Variants in GNB4 observed in about 807,000 individuals in gnomAD.
GNB4 encodes the protein guanine nucleotide-binding protein subunit beta-4.
GNB4 carries 28 observed loss-of-function variants against 45.2 expected under a neutral mutation model. That is an observed-to-expected ratio of 0.62 (90% CI 0.46 to 0.85). GNB4 has a LOEUF of 0.85. Among genes scored for constraint, GNB4 ranks in the 40% least tolerant of loss-of-function variants. The pLI is 0.00. For missense variants in GNB4, 321 were observed against 425.4 expected (o/e 0.75, Z 2.16); for synonymous variants, 132 against 143.7 (o/e 0.92, Z 0.58).
chr3:179,505,172 C>T, the GNB4 span, among the ~76,000 whole-genome samples: 1 of 152,146 alleles, frequency 6.6e-6, no homozygotes, highest in African/African-American at 2.4e-5. Flanking sequence ...ACCAATACGG[C>T]ATCAGTAAAC....
At chr3:179,519,339 A>G in the GNB4 span, among the ~76,000 whole-genome samples, 5 of 152,294 alleles carry the variant, frequency 3.3e-5, no homozygotes, top group Middle Eastern at 3.4e-3. Context: ...GAAGACTGAC[A>G]CTGCCCAATC....
the GNB4 span, among the ~76,000 whole-genome samples, chr3:179,522,107 C>A: frequency 3.3e-5 from 5 of 152,146 alleles, no homozygotes; most frequent in Non-Finnish European, 7.3e-5. Context: ...CCAAGCTAAG[C>A]CATCATATCC....
At chr3:179,447,827 G>A (rs1014955736) in intron 1 of GNB4, among the ~76,000 whole-genome samples, 2 of 152,204 alleles carry the variant, frequency 1.3e-5, no homozygotes, top group African/African-American at 4.8e-5. Flanking sequence ...TGAGTGAAAT[G>A]GGGAATTAGA....
In GNB4 at chr3:179,397,981, G is replaced by A. The variant is rs535270526; in HGVS notation, c.*3232C>T. 0.01 allele frequency: 1,591 copies of A among 151,796 alleles called. 16 individuals carry two copies. Among genetic ancestry groups the A allele is most frequent in the Non-Finnish European group, 0.017 (1,171 of 67,948 alleles). 9.4% of individuals were successfully genotyped at this position (151,796 alleles called of 1,614,324 possible). On this transcript the variant is annotated 3_prime_UTR_variant, in exon 10 of 10. Transcript: ENST00000232564. Reference sequence around the variant, plus strand: ...CCTGACCTCGTGATCCACCTGCCTCGGCCTCCCAAAGTGCTGGGATTACAG... The same window carrying A: ...CCTGACCTCGTGATCCACCTGCCTCAGCCTCCCAAAGTGCTGGGATTACAG...
At position 179,398,862 on chromosome 3, in the gene GNB4, TATTTA is replaced by T. The variant is rs1714199560; in HGVS notation, c.*2346_*2350del. The T allele has an allele frequency of 6.6e-6, 1 of 152,180 alleles. No individual in the cohort carries two copies. Among genetic ancestry groups the T allele is most frequent in the Non-Finnish European group, 1.5e-5 (1 of 68,038 alleles). The allele number at this position is 152,180 out of a possible 1,614,324, so 9.4% of individuals were successfully genotyped here. A position where few individuals can be genotyped will look rare whatever the true frequency, so the allele number is the denominator to read the frequency against. On this transcript the variant is annotated 3_prime_UTR_variant, in exon 10 of 10. Coordinates refer to ENST00000232564, the MANE Select transcript of GNB4 (RefSeq NM_021629.4). ...AAATAGTTTTTAGTTGCCGAGTAAATATTTAATTATGGGAATTGCTTTAAACTCCT... is the reference window on the plus strand; with the variant it reads ...AAATAGTTTTTAGTTGCCGAGTAAATATTATGGGAATTGCTTTAAACTCCT...
the GNB4 span, among the ~76,000 whole-genome samples, chr3:179,501,363 A>G: frequency 2.1e-5 from 3 of 145,136 alleles, no homozygotes; most frequent in Non-Finnish European, 4.5e-5. Context: ...CAGTGGTGCT[A>G]TCTCAGCTCA....
chr3:179,410,947 T>C (rs1223313094), intron 8 of GNB4, among the ~76,000 whole-genome samples: 1 of 152,106 alleles, frequency 6.6e-6, no homozygotes, highest in Non-Finnish European at 1.5e-5. Context: ...CAAAAAGAAA[T>C]GGATAACCTA....
chr3:179,409,026 C>T (rs111821030), intron 8 of GNB4, among the ~76,000 whole-genome samples: 4 of 148,590 alleles, frequency 2.7e-5, no homozygotes, highest in Admixed American at 6.7e-5. Context: ...CATGGTGGCA[C>T]GCACCTGTAT....
the GNB4 span, among the ~76,000 whole-genome samples, chr3:179,510,735 T>C: frequency 6.6e-6 from 1 of 152,160 alleles, no homozygotes; most frequent in African/African-American, 2.4e-5. Context: ...AGCTGAGTCT[T>C]TGCACACGTT....
intron 4 of GNB4, among the ~76,000 whole-genome samples, chr3:179,417,406 T>G (rs930837687): frequency 2.1e-5 from 3 of 145,498 alleles, no homozygotes; most frequent in Admixed American, 7.0e-5. Context: ...TTGTTTTGTT[T>G]GGATTTTTTT....
At chr3:179,502,082 T>G in the GNB4 span, among the ~76,000 whole-genome samples, 4 of 152,200 alleles carry the variant, frequency 2.6e-5, no homozygotes, top group Non-Finnish European at 5.9e-5. Context: ...TAAAGAGAAC[T>G]GGTATTGTTA....
At chr3:179,459,316 A>G in the GNB4 span, among the ~76,000 whole-genome samples, 1 of 152,176 alleles carries the variant, frequency 6.6e-6, no homozygotes, top group African/African-American at 2.4e-5. Context: ...CAGCTGGTAA[A>G]TGGTGGCACA....
chr3:179,498,539 C>T, the GNB4 span, among the ~76,000 whole-genome samples: 3 of 152,054 alleles, frequency 2.0e-5, no homozygotes, highest in African/African-American at 7.2e-5. Flanking sequence ...TGGGTTCAAG[C>T]GATTCTCTTG....
chr3:179,412,726 T>C (rs1474470544), intron 8 of GNB4, among the ~76,000 whole-genome samples: 1 of 152,090 alleles, frequency 6.6e-6, no homozygotes, highest in African/African-American at 2.4e-5. Flanking sequence ...GCTTTTTTCA[T>C]CCTTATTGTT....
At chr3:179,484,050 C>T in the GNB4 span, among the ~76,000 whole-genome samples, 7 of 152,234 alleles carry the variant, frequency 4.6e-5, no homozygotes, top group Admixed American at 1.3e-4. Context: ...GTTATGGGCA[C>T]GTTGTCTCAG....
intron 2 of GNB4, among the ~76,000 whole-genome samples, chr3:179,422,649 A>C (rs985807405): frequency 2.3e-4 from 35 of 152,138 alleles, no homozygotes; most frequent in African/African-American, 8.4e-4. Context: ...AGAAAACAAA[A>C]TCTATTTTCT....
chr3:179,456,095 T>C (rs759285180), upstream of GNB4, among the ~76,000 whole-genome samples: 2 of 149,294 alleles, frequency 1.3e-5, no homozygotes, highest in African/African-American at 2.5e-5. Context: ...ATTCATGTAA[T>C]AGGGACATAG....
At chr3:179,425,728 C>T (rs975091853) in intron 2 of GNB4, among the ~76,000 whole-genome samples, 4 of 152,200 alleles carry the variant, frequency 2.6e-5, no homozygotes, top group African/African-American at 9.7e-5. Context: ...GCCTCAGCCT[C>T]CCAAAGTGCT....
intron 9 of GNB4, among the ~76,000 whole-genome samples, chr3:179,403,326 A>G (rs1231731929): frequency 6.6e-6 from 1 of 152,086 alleles, no homozygotes; most frequent in East Asian, 1.9e-4. Context: ...TGGAAACACA[A>G]AAGATGATGC....
Sources: gnomAD v4.1 joint callset for allele counts (sites outside exome capture counted in the v4.1 genomes callset) on GRCh38, gnomAD v4.1.1 for gene constraint, MANE v1.5 for transcripts, NCBI Gene and HGNC (gene_info 2026-07-23, HGNC 2026-07-21) for gene names.